EPC1: variants seen among roughly 807,000 people sequenced by gnomAD.
EPC1 encodes enhancer of polycomb homolog 1.
A neutral mutation model predicts 98.4 loss-of-function variants in EPC1; 12 were observed. The ratio of observed to expected loss-of-function variants is 0.12; its 90% confidence interval spans 0.08 to 0.20. The LOEUF is 0.20. EPC1 is among the 10% of genes least tolerant of loss of function. The pLI, the probability that EPC1 is intolerant of heterozygous loss-of-function variation, is 1.00. For missense variants in EPC1, 729 were observed against 990.5 expected (o/e 0.74, Z 3.54); for synonymous variants, 357 against 363.9 (o/e 0.98, Z 0.21).
intron 1 of EPC1, among the ~76,000 whole-genome samples, chr10:32,378,097 T>TA (rs769228287): frequency 9.4e-4 from 142 of 151,436 alleles, no homozygotes; most frequent in African/African-American, 3.2e-3. Flanking sequence ...TAGGTCCATT[T>TA]AAAAAAAAAC....
chr10:32,352,328 T>C lies in EPC1; in HGVS notation c.3+26163A>G, dbSNP rs541215673. 2.0e-5 allele frequency among the ~76,000 whole-genome samples: 3 copies of C among 151,866 alleles called. No individual in the cohort carries two copies. The South Asian group carries it at 6.2e-4, about 32-fold the overall frequency. On this transcript the variant is annotated intron_variant, in intron 1 of 13. Coordinates refer to the EPC1 transcript ENST00000375110. ...TCCCAAAGTGCTGGGATTACAGGAG[T>C]GAGCCACTGCGCCCCGCCCAGCTGT...
intron 10 of EPC1, among the ~76,000 whole-genome samples, chr10:32,277,107 C>T (rs1439750138): frequency 6.6e-6 from 1 of 152,068 alleles, no homozygotes; most frequent in Non-Finnish European, 1.5e-5. Flanking sequence ...GAAAAATAGA[C>T]AAAAATTCTT....
upstream of EPC1, among the ~76,000 whole-genome samples, chr10:32,347,798 C>T (rs1838955886): frequency 3.9e-5 from 6 of 152,234 alleles, no homozygotes; most frequent in Admixed American, 3.9e-4. Context: ...ATTTTTATGT[C>T]CTAATGCAAC....
At position 32,273,226 on chromosome 10, in the gene EPC1, T is replaced by C. The variant is rs898323264; in HGVS notation, c.1800A>G (p.Lys600=). Residue 600 remains lysine (K), a synonymous_variant, in exon 11 of 14, where the codon AAA becomes AAG. Coordinates refer to ENST00000319778, the MANE Select transcript of EPC1 (RefSeq NM_001272004.3). ...QHQQQLALMQ[K]QQLAQIQQQQ... ...GTTGCTGAATTTGTGCAAGCTGCTG[T>C]TTCTGCATGAGTGCCAGTTGCTGTT... The C allele has an allele frequency of 1.2e-6, 2 of 1,613,922 alleles. No homozygotes were observed. Among genetic ancestry groups the C allele is most frequent in the African/African-American group, 2.7e-5 (2 of 74,944 alleles).
At position 32,341,331 on chromosome 10, in the gene EPC1, C is replaced by CTGTG. The variant is rs150858943; in HGVS notation, c.153+5428_153+5431dup. Among the ~76,000 whole-genome samples the CTGTG allele has an allele frequency of 5.7e-3, 860 of 151,178 alleles. 6 individuals carry two copies. The highest frequency in any genetic ancestry group is 9.5e-3 in the Non-Finnish European group (639 of 67,488). Reference sequence around the variant, plus strand: ...TGGACACATGTCTGTGTGTGTGTGTCTGTGTGTGTGTATAGATTCTATGTT... The same window carrying CTGTG: ...TGGACACATGTCTGTGTGTGTGTGTCTGTGTGTGTGTGTGTATAGATTCTATGTT... On this transcript the variant is annotated intron_variant, in intron 1 of 13. Coordinates refer to ENST00000319778, the MANE Select transcript of EPC1 (RefSeq NM_001272004.3).
intron 1 of EPC1, among the ~76,000 whole-genome samples, chr10:32,357,529 C>T (rs183831747): frequency 9.8e-4 from 150 of 152,290 alleles, no homozygotes; most frequent in Admixed American, 4.0e-3. Context: ...TGTGCTATCA[C>T]GGCTCACTGC....
At chr10:32,359,104 G>A (rs759105766) in intron 1 of EPC1, among the ~76,000 whole-genome samples, 1 of 152,066 alleles carries the variant, frequency 6.6e-6, no homozygotes, top group Non-Finnish European at 1.5e-5. Context: ...AGCTCTATAA[G>A]CGCACACTTT....
At position 32,284,992 on chromosome 10, in the gene EPC1, C is replaced by T. The variant is rs1836602578; in HGVS notation, c.1450G>A (p.Glu484Lys). The change falls in exon 10 of 14, where the codon GAA becomes AAA. Residue 484 changes from glutamate to lysine, a missense_variant. Glu to Lys is a moderately conservative substitution (Grantham distance 56, BLOSUM62 1). Transcript: ENST00000319778. ...GAATGTTGTGGTGAGGAAAGCATTTCCAAATCCAGATGGTGAAACACACTG... is the reference window on the plus strand; with the variant it reads ...GAATGTTGTGGTGAGGAAAGCATTTTCAAATCCAGATGGTGAAACACACTG... ...YDSVFHHLDL[E>K]MLSSPQHSPV... 6.2e-7 allele frequency: 1 copy of T among 1,614,042 alleles called. No individual in the cohort carries two copies. The highest frequency in any genetic ancestry group is 1.7e-5 in the Admixed American group (1 of 60,000).
intron 1 of EPC1, among the ~76,000 whole-genome samples, chr10:32,340,932 T>G (rs1404540162): frequency 1.0e-4 from 2 of 19,112 alleles, no homozygotes; most frequent in East Asian, 2.3e-3. Context: ...AAAGTTATTG[T>G]TATCAATGCA....
chr10:32,349,349 T>A (rs1428871802), upstream of EPC1, among the ~76,000 whole-genome samples: 1 of 152,170 alleles, frequency 6.6e-6, no homozygotes, highest in African/African-American at 2.4e-5. Context: ...TACAAAAAAA[T>A]TTCTTATTCT....
chr10:32,286,709 A>G lies in EPC1; in HGVS notation c.1376T>C (p.Val459Ala). The change falls in exon 9 of 14, where the codon GTT becomes GCT. Residue 459 changes from valine (V) to alanine (A), a missense_variant. This residue lies in a region of EPC1 where 390 missense variants were observed against 438.6 expected (regional missense o/e 0.89). Transcript: ENST00000319778. ...QRCIGFARRR[V>A]GRGGRVLLDR... ...AATACCTTACCTTCCACCGCGCCCAACCCGTCTTCGTGCAAATCCAATACA... is the reference window on the plus strand; with the variant it reads ...AATACCTTACCTTCCACCGCGCCCAGCCCGTCTTCGTGCAAATCCAATACA... 1.2e-6 allele frequency: 2 copies of G among 1,614,036 alleles called. No homozygotes were observed. Among genetic ancestry groups the G allele is most frequent in the Non-Finnish European group, 1.7e-6 (2 of 1,179,972 alleles).
Position 32,291,297 on chromosome 10 carries a change from C to T in EPC1, c.841G>A (p.Glu281Lys). The T allele has an allele frequency of 6.2e-7, 1 of 1,612,192 alleles. No individual in the cohort carries two copies. The change falls in exon 6 of 14, where the codon GAG becomes AAG. Residue 281 changes from glutamate (E) to lysine (K), a missense_variant. By Grantham distance (56) the Glu-to-Lys change is moderately conservative (BLOSUM62 1). Around this residue, in one of 6 missense-constraint regions of EPC1, gnomAD observed 390 missense variants for 438.6 expected, o/e 0.89. Coordinates refer to ENST00000319778, the MANE Select transcript of EPC1 (RefSeq NM_001272004.3). ...KRYNLGDYNG[E>K]IMSEVMAQRQ... ...TGTGCCATAACCTCAGACATGATCT[C>T]TCCATTGTAGTCGCCCAAATTATAC...
chr10:32,272,187 G>A lies in EPC1; in HGVS notation c.1864-20C>T. On this transcript the variant is annotated intron_variant, in intron 11 of 13. Transcript: ENST00000319778. ...AAAACCCTAAAAAGAAAATACAAAA[G>A]AAATCTAATCAGTATCACTTAGTAT... 1 of 1,592,494 alleles carries A rather than the reference G, an allele frequency of 6.3e-7. No homozygotes were observed. The highest frequency in any genetic ancestry group is 2.2e-5 in the East Asian group (1 of 44,542).
chr10:32,339,927 G>T (rs2479346), intron 1 of EPC1, among the ~76,000 whole-genome samples: 4 of 152,166 alleles, frequency 2.6e-5, no homozygotes, highest in Non-Finnish European at 5.9e-5. Flanking sequence ...CTATTTGGAT[G>T]CTCAGAGGAT....
In EPC1 at chr10:32,271,799, G is replaced by A; in HGVS notation, c.2124C>T (p.Ser708=). The A allele has an allele frequency of 6.2e-7, 1 of 1,614,176 alleles. No homozygotes were observed. The highest frequency in any genetic ancestry group is 8.5e-7 in the Non-Finnish European group (1 of 1,180,036). ...TTACTTGATGACTCAGTGCACTGTG[G>A]GAACTTGAAGTCTGTGTAATATTTG... ...QPSNITQTSS[S]HSALSHQVTA... The change falls in exon 13 of 14, where the codon TCC becomes TCT. Residue 708 remains serine, a synonymous_variant. Coordinates refer to ENST00000319778, the MANE Select transcript of EPC1 (RefSeq NM_001272004.3).
At chr10:32,378,588 A>G in exon 1 of EPC1, 2 of 826,972 alleles carry the variant, frequency 2.4e-6, no homozygotes, top group Non-Finnish European at 3.8e-6. Flanking sequence ...TCCAGGCAGC[A>G]TATGGATCTT....
At chr10:32,292,830 T>C (rs565896381) in intron 4 of EPC1, among the ~76,000 whole-genome samples, 158 bp downstream of exon 4, 75 of 152,110 alleles carry the variant, frequency 4.9e-4, no homozygotes, top group Non-Finnish European at 9.1e-4. Context: ...AAATATAACA[T>C]TAATAGCTGC....
At chr10:32,370,274 G>A (rs536362663) in intron 1 of EPC1, among the ~76,000 whole-genome samples, 9 of 152,156 alleles carry the variant, frequency 5.9e-5, no homozygotes, top group Non-Finnish European at 1.2e-4. Context: ...ATGTAGGTCT[G>A]GGCCTCCCTC....
At chr10:32,286,097 CCTTTT>C (rs1212107548) in intron 9 of EPC1, 1 of 152,136 alleles carries the variant, frequency 6.6e-6, no homozygotes, top group African/African-American at 2.4e-5. Context: ...ATTTGCTTTC[CCTTTT>C]AATTTTCCCC....
Sources: allele counts gnomAD v4.1 joint callset (sites outside exome capture counted in the v4.1 genomes callset), GRCh38; gene constraint gnomAD v4.1.1; regional missense constraint gnomAD v4.1.1; transcripts MANE v1.5; gene names NCBI Gene and HGNC (gene_info 2026-07-23, HGNC 2026-07-21).